The following TRERF1 variants were observed in gnomAD, a reference collection of about 807,000 sequenced individuals.
TRERF1 encodes transcriptional-regulating factor 1.
Under a neutral mutation model 122.9 loss-of-function variants are expected in TRERF1, and 27 were observed. That is an observed-to-expected ratio of 0.22 (90% CI 0.16 to 0.30). TRERF1 has a LOEUF of 0.30. TRERF1 is among the 10% of genes least tolerant of loss of function. The pLI, the probability that TRERF1 is intolerant of heterozygous loss-of-function variation, is 1.00. For missense variants in TRERF1, 1,248 were observed against 1,560.3 expected (o/e 0.80, Z 3.37); for synonymous variants, 636 against 641.7 (o/e 0.99, Z 0.13).
intron 2 of TRERF1, among the ~76,000 whole-genome samples, chr6:42,423,329 G>A (rs1187018568): frequency 6.6e-6 from 1 of 152,228 alleles, no homozygotes; most frequent in Non-Finnish European, 1.5e-5. Context: ...AAGTGAGGAA[G>A]AGTTTCAGTA....
intron 2 of TRERF1, among the ~76,000 whole-genome samples, chr6:42,371,160 C>A (rs1773692414): frequency 6.6e-6 from 1 of 152,132 alleles, no homozygotes; most frequent in Admixed American, 6.5e-5. Context: ...ACTGAGAGTT[C>A]AAAGGCCTGG....
intron 3 of TRERF1, among the ~76,000 whole-genome samples, chr6:42,355,356 T>C (rs1770313276): frequency 6.6e-6 from 1 of 152,232 alleles, no homozygotes; most frequent in African/African-American, 2.4e-5. Context: ...CATAGGAAAA[T>C]ATATGTATAT....
chr6:42,397,949 C>T (rs260279), intron 2 of TRERF1, among the ~76,000 whole-genome samples: 129,752 of 152,202 alleles, frequency 0.85, 56,649 homozygotes, highest in Non-Finnish European at 0.95. Context: ...GTGATGTGAG[C>T]TAAGACAGCA....
intron 3 of TRERF1, among the ~76,000 whole-genome samples, chr6:42,309,975 G>A (rs1402546907): frequency 6.6e-6 from 1 of 152,008 alleles, no homozygotes; most frequent in Non-Finnish European, 1.5e-5. Flanking sequence ...TGTTGCCCAG[G>A]CTAGTCTCCA....
chr6:42,417,801 C>T (rs375394673), intron 2 of TRERF1, among the ~76,000 whole-genome samples: 1 of 152,132 alleles, frequency 6.6e-6, no homozygotes, highest in Non-Finnish European at 1.5e-5. Context: ...TTGGTCACAC[C>T]CCCCCAACAG....
chr6:42,264,630 T>A, intron 7 of TRERF1, 74 bp downstream of exon 7: 4 of 1,572,966 alleles, frequency 2.5e-6, no homozygotes, highest in South Asian at 1.2e-5. Flanking sequence ...CTCACATCAC[T>A]CTCTGTCTGA....
At position 42,259,597 on chromosome 6, in the gene TRERF1, G is replaced by A. The variant is rs777641894; in HGVS notation, c.2011C>T (p.Pro671Ser). The A allele has an allele frequency of 7.4e-6, 12 of 1,613,828 alleles. No individual in the cohort carries two copies. In the Admixed American group the frequency reaches 1.5e-4, roughly 20 times the overall value. ...CCCGAGTAGGAGGCAGCGGGGTTCG[G>A]GTTGTAGGAGGGCGGCGGCGGGATG... is the stretch of plus-strand genomic sequence containing the variant. Residue 671 changes from proline to serine, a missense_variant, in exon 9 of 18, where the codon CCG becomes TCG. Around this residue, in one of 5 missense-constraint regions of TRERF1, gnomAD observed 946 missense variants for 1,073.0 expected, o/e 0.88. Coordinates refer to ENST00000372922, the Ensembl canonical transcript of TRERF1. This position sits in a 1 kb window ranked among gnomAD's most constrained non-coding sequence, Gnocchi z 4.9.
At chr6:42,343,910 T>C (rs1446330962) in intron 3 of TRERF1, among the ~76,000 whole-genome samples, 2 of 152,210 alleles carry the variant, frequency 1.3e-5, no homozygotes, top group Non-Finnish European at 2.9e-5. Context: ...GACGCATAAC[T>C]GACCGCGTGG....
intron 13 of TRERF1, among the ~76,000 whole-genome samples, chr6:42,251,750 G>A (rs1373001965): frequency 1.3e-5 from 2 of 152,094 alleles, no homozygotes; most frequent in African/African-American, 4.8e-5. Context: ...CCTCTCCAAT[G>A]GAATGAGTAT....
intron 2 of TRERF1, among the ~76,000 whole-genome samples, chr6:42,426,380 G>C (rs1016294731): frequency 6.6e-6 from 1 of 152,134 alleles, no homozygotes; most frequent in South Asian, 2.1e-4. Context: ...AGTAAACACA[G>C]TACCCCCACA....
intron 2 of TRERF1, among the ~76,000 whole-genome samples, chr6:42,427,864 T>C (rs975069336): frequency 2.0e-5 from 3 of 151,972 alleles, no homozygotes; most frequent in African/African-American, 7.3e-5. Context: ...CTTTTTAATA[T>C]ATATAAAAAA....
intron 4 of TRERF1, among the ~76,000 whole-genome samples, chr6:42,299,136 A>ATCTATCTATCTATC (rs11404004): frequency 7.1e-6 from 1 of 141,790 alleles, no homozygotes; most frequent in Non-Finnish European, 1.5e-5. Context: ...CTATCTATCT[A>ATCTATCTATCTATC]CATATATATA....
At chr6:42,361,620 A>G (rs1187933067) in intron 3 of TRERF1, among the ~76,000 whole-genome samples, 1 of 152,196 alleles carries the variant, frequency 6.6e-6, no homozygotes, top group Non-Finnish European at 1.5e-5. Flanking sequence ...CACAGCCGGC[A>G]CATCTACGTA....
At chr6:42,343,714 T>C (rs1414999305) in intron 3 of TRERF1, among the ~76,000 whole-genome samples, 3 of 152,246 alleles carry the variant, frequency 2.0e-5, no homozygotes, top group African/African-American at 7.2e-5. Context: ...GGTTTGGTTG[T>C]ATGTGTTTGT....
intron 3 of TRERF1, among the ~76,000 whole-genome samples, chr6:42,359,717 C>T (rs894251977): frequency 2.6e-5 from 4 of 151,920 alleles, no homozygotes; most frequent in African/African-American, 4.8e-5. Flanking sequence ...AGCGAGACTC[C>T]GTCTCAAAAA....
At chr6:42,225,849 T>C (rs1370928958) in exon 18 of TRERF1, 1 of 152,208 alleles carries the variant, frequency 6.6e-6, no homozygotes. Context: ...CCATAAAATA[T>C]ATCTGTTAAC....
intron 3 of TRERF1, among the ~76,000 whole-genome samples, chr6:42,317,924 C>T: frequency 6.6e-6 from 1 of 152,122 alleles, no homozygotes; most frequent in Admixed American, 6.5e-5. Context: ...GAGGCCGAGG[C>T]AGGCGGATCA....
chr6:42,232,534 T>C lies in TRERF1; in HGVS notation c.3278+147A>G. On this transcript the variant is annotated intron_variant, in intron 17 of 17. Coordinates refer to ENST00000372922, the Ensembl canonical transcript of TRERF1. This position sits in a 1 kb window ranked among gnomAD's most constrained non-coding sequence, Gnocchi z 4.5. ...ATTCTGAGTCTGCAACAGGACTACA[T>C]ACCCATCCCAAAGATGACACGAAGA... 1 of 1,028,934 alleles carries C rather than the reference T, an allele frequency of 9.7e-7. No individual in the cohort carries two copies. Among genetic ancestry groups the C allele is most frequent in the Non-Finnish European group, 1.4e-6 (1 of 727,600 alleles). 63.7% of individuals were successfully genotyped at this position (1,028,934 alleles called of 1,614,324 possible).
rs144042420 is a variant in TRERF1 at position 42,274,070 on chromosome 6, T to C, written c.-258-4222A>G. 5.2e-3 allele frequency among the ~76,000 whole-genome samples: 788 copies of C among 152,352 alleles called. 12 individuals are homozygous for C. The highest frequency in any genetic ancestry group is 0.018 in the African/African-American group (735 of 41,582). On this transcript the variant is annotated intron_variant, in intron 4 of 17. Transcript: ENST00000372922. ...TTATTTACAAGCACAGAACCCTAGA[T>C]GGAACCCTAGGTGGGTTCCCAAAGT...
Sources: gnomAD v4.1 joint callset for allele counts (sites outside exome capture counted in the v4.1 genomes callset) on GRCh38, gnomAD v4.1.1 for gene constraint, gnomAD v4.1.1 regional missense constraint, Gnocchi (gnomAD v3.1) non-coding constraint, MANE v1.5 for transcripts, NCBI Gene and HGNC (gene_info 2026-07-23, HGNC 2026-07-21) for gene names.